Variants in EYS observed in about 807,000 individuals in gnomAD.
EYS encodes EGF-like photoreceptor maintenance factor.
EYS carries 250 observed loss-of-function variants against 282.1 expected under a neutral mutation model. The ratio of observed to expected loss-of-function variants is 0.89; its 90% CI spans 0.80 to 0.98. The LOEUF is 0.98. EYS is among the 50% of genes least tolerant of loss of function. EYS has a pLI of 0.00. For synonymous variants in EYS, 1,355 were observed against 1,282.9 expected (o/e 1.06, Z -1.20); for missense variants, 4,016 against 3,709.0 (o/e 1.08, Z -2.15).
chr6:63,732,459 G>T (rs182479719), intron 41 of EYS, among the ~76,000 whole-genome samples: 93 of 152,104 alleles, frequency 6.1e-4, no homozygotes, highest in African/African-American at 2.1e-3. Flanking sequence ...GCAGCTTCAA[G>T]GATAAACTAG....
At chr6:64,481,274 G>GTGTATATA (rs1461029125) in intron 26 of EYS, among the ~76,000 whole-genome samples, 145 of 140,614 alleles carry the variant, frequency 1.0e-3, no homozygotes, top group African/African-American at 3.4e-3. Flanking sequence ...GTGTGTGTGT[G>GTGTATATA]TATATATATA....
chr6:64,204,856 A>G (rs1303047195), intron 31 of EYS, among the ~76,000 whole-genome samples: 1 of 152,176 alleles, frequency 6.6e-6, no homozygotes, highest in Non-Finnish European at 1.5e-5. Context: ...CAAAGAAACA[A>G]TTTGCAAGCA....
intron 31 of EYS, among the ~76,000 whole-genome samples, chr6:64,094,318 T>C (rs1175318104): frequency 6.6e-6 from 1 of 152,214 alleles, no homozygotes; most frequent in Non-Finnish European, 1.5e-5. Context: ...TGGAATAGTT[T>C]CAAAAGGAGT....
chr6:65,583,094 A>G (rs1764922762), intron 2 of EYS, among the ~76,000 whole-genome samples: 1 of 152,090 alleles, frequency 6.6e-6, no homozygotes, highest in Non-Finnish European at 1.5e-5. Context: ...AAGTGACAAA[A>G]AAAGAAATTT....
intron 31 of EYS, among the ~76,000 whole-genome samples, chr6:64,166,226 C>A (rs1764287658): frequency 6.6e-6 from 1 of 152,274 alleles, no homozygotes; most frequent in Admixed American, 6.5e-5. Context: ...AATGATAACA[C>A]AGCAATTATC....
At chr6:64,063,026 A>G (rs565314084) in intron 33 of EYS, among the ~76,000 whole-genome samples, 6 of 152,166 alleles carry the variant, frequency 3.9e-5, no homozygotes, top group Non-Finnish European at 8.8e-5. Flanking sequence ...CTTCCATGAC[A>G]CTCTACTCCT....
intron 2 of EYS, among the ~76,000 whole-genome samples, chr6:65,526,368 G>A (rs899300087): frequency 6.6e-6 from 1 of 152,108 alleles, no homozygotes; most frequent in Non-Finnish European, 1.5e-5. Context: ...CCTTTGGTCC[G>A]AAATATCTTA....
At chr6:64,699,608 A>T (rs965367805) in intron 22 of EYS, among the ~76,000 whole-genome samples, 1 of 152,148 alleles carries the variant, frequency 6.6e-6, no homozygotes, top group Non-Finnish European at 1.5e-5. Context: ...TAAAGTGGAT[A>T]AATTTCTGGG....
At chr6:64,688,458 T>C (rs1644534465) in intron 22 of EYS, among the ~76,000 whole-genome samples, 1 of 152,210 alleles carries the variant, frequency 6.6e-6, no homozygotes, top group African/African-American at 2.4e-5. Context: ...AACATCTTTA[T>C]TTCTGCCTTC....
chr6:64,358,756 G>C (rs1771914467), intron 29 of EYS, among the ~76,000 whole-genome samples: 1 of 151,678 alleles, frequency 6.6e-6, no homozygotes, highest in Non-Finnish European at 1.5e-5. Flanking sequence ...TTCAATGCCA[G>C]AAAATGGAAA....
At chr6:64,385,944 C>A (rs531833636) in intron 29 of EYS, among the ~76,000 whole-genome samples, 1 of 152,218 alleles carries the variant, frequency 6.6e-6, no homozygotes, top group East Asian at 1.9e-4. Context: ...TGGCATGTAC[C>A]TCTTTCTTAG....
chr6:65,628,994 G>A (rs534822797), intron 2 of EYS, among the ~76,000 whole-genome samples: 1 of 152,160 alleles, frequency 6.6e-6, no homozygotes, highest in South Asian at 2.1e-4. Flanking sequence ...CCATTAAAAA[G>A]CAAAATTGAG....
At chr6:64,776,741 A>T (rs1350440559) in intron 22 of EYS, among the ~76,000 whole-genome samples, 1 of 152,104 alleles carries the variant, frequency 6.6e-6, no homozygotes, top group Non-Finnish European at 1.5e-5. Context: ...AATGAATAAC[A>T]CTTGCCACAC....
At chr6:65,420,322 AG>A (rs1767406499) in intron 5 of EYS, among the ~76,000 whole-genome samples, 1 of 152,020 alleles carries the variant, frequency 6.6e-6, no homozygotes, top group South Asian at 2.1e-4. Context: ...CATCCTCACC[AG>A]GAGTAGATTA....
chr6:65,456,332 C>T (rs546164776), intron 5 of EYS, among the ~76,000 whole-genome samples: 1 of 151,940 alleles, frequency 6.6e-6, no homozygotes, highest in East Asian at 2.0e-4. Context: ...TGCCGGTAGT[C>T]CCAGCTACTC....
intron 8 of EYS, among the ~76,000 whole-genome samples, chr6:65,356,085 C>T (rs1355543676): frequency 6.6e-6 from 1 of 151,948 alleles, no homozygotes; most frequent in Non-Finnish European, 1.5e-5. Context: ...TAAGTGTCCA[C>T]CAATTGATGA....
intron 32 of EYS, among the ~76,000 whole-genome samples, chr6:64,079,720 C>T (rs527931931): frequency 7.2e-5 from 11 of 152,052 alleles, no homozygotes; most frequent in East Asian, 1.9e-4. Flanking sequence ...TATCGCTCCC[C>T]GCTCCCCTGA....
chr6:65,626,478 C>T (rs1483582380), intron 2 of EYS, among the ~76,000 whole-genome samples: 1 of 152,130 alleles, frequency 6.6e-6, no homozygotes, highest in Non-Finnish European at 1.5e-5. Context: ...CACATGATCC[C>T]TCTGATAAGG....
intron 41 of EYS, among the ~76,000 whole-genome samples, chr6:63,734,019 C>G (rs1768846463): frequency 6.6e-6 from 1 of 152,078 alleles, no homozygotes; most frequent in African/African-American, 2.4e-5. Flanking sequence ...CAAATTAACA[C>G]AGAAACAGAA....
Sources: gnomAD v4.1 joint callset for allele counts (sites outside exome capture counted in the v4.1 genomes callset) on GRCh38, gnomAD v4.1.1 for gene constraint, MANE v1.5 for transcripts, NCBI Gene and HGNC (gene_info 2026-07-23, HGNC 2026-07-21) for gene names.